The following CFAP96 variants were observed in gnomAD, a reference collection of about 807,000 sequenced individuals.
The protein encoded by CFAP96 is cilia and flagella associated protein 96.
the CFAP96 span, among the ~76,000 whole-genome samples, chr4:185,443,342 A>ATATATTTTTTTT: frequency 0.011 from 302 of 26,692 alleles, 18 homozygotes; most frequent in East Asian, 0.031. Context: ...ATATATATAT[A>ATATATTTTTTTT]TTTTTTTTTT....
At chr4:185,425,819 A>G in the CFAP96 span, 4 of 1,592,230 alleles carry the variant, frequency 2.5e-6, no homozygotes, top group African/African-American at 1.3e-5. Context: ...GCGGCTGCCA[A>G]AGTCCGGGGA....
chr4:185,449,348 C>G, the CFAP96 span, among the ~76,000 whole-genome samples: 3 of 152,090 alleles, frequency 2.0e-5, no homozygotes, highest in Non-Finnish European at 2.9e-5. Context: ...TGGCAAAACT[C>G]TGTCTCTACA....
At chr4:185,415,559 C>T in the CFAP96 span, 2 of 810,762 alleles carry the variant, frequency 2.5e-6, no homozygotes, top group Admixed American at 3.3e-5. Context: ...ACCCTACTTC[C>T]TCCAAATAAC....
At chr4:185,434,418 A>C in the CFAP96 span, among the ~76,000 whole-genome samples, 1 of 152,048 alleles carries the variant, frequency 6.6e-6, no homozygotes, top group Non-Finnish European at 1.5e-5. Context: ...TTTTCATGGA[A>C]TATGTGAAAT....
At chr4:185,436,063 A>G in the CFAP96 span, 6 of 1,546,676 alleles carry the variant, frequency 3.9e-6, no homozygotes, top group African/African-American at 8.2e-5. Context: ...TTAGGAAGCT[A>G]CTATGGAACA....
the CFAP96 span, among the ~76,000 whole-genome samples, chr4:185,441,653 A>G: frequency 6.6e-6 from 1 of 151,458 alleles, no homozygotes; most frequent in East Asian, 1.9e-4. Flanking sequence ...TAAAAATTTA[A>G]TTTCTTTTAA....
the CFAP96 span, chr4:185,418,323 T>C: frequency 1.4e-6 from 1 of 733,104 alleles, no homozygotes; most frequent in Non-Finnish European, 2.1e-6. Context: ...TTTAATCTTT[T>C]TGGACATCAA....
the CFAP96 span, among the ~76,000 whole-genome samples, chr4:185,437,701 G>C: frequency 6.6e-6 from 1 of 152,128 alleles, no homozygotes; most frequent in African/African-American, 2.4e-5. Flanking sequence ...ATACAGTGGA[G>C]TTTTATAGTG....
chr4:185,447,432 G>A, the CFAP96 span, among the ~76,000 whole-genome samples: 5 of 151,884 alleles, frequency 3.3e-5, no homozygotes, highest in South Asian at 4.2e-4. Flanking sequence ...CACCCACCTT[G>A]GCCTCCCAAA....
the CFAP96 span, chr4:185,426,219 A>AT: frequency 8.1e-5 from 26 of 322,232 alleles, no homozygotes; most frequent in African/African-American, 5.4e-4. Flanking sequence ...GGGGCAACAC[A>AT]TCACACAATA....
the CFAP96 span, among the ~76,000 whole-genome samples, chr4:185,412,413 G>A: frequency 6.6e-6 from 1 of 151,988 alleles, no homozygotes; most frequent in East Asian, 1.9e-4. Flanking sequence ...ACTCATCTAG[G>A]GTACGTACTG....
At chr4:185,417,779 C>T in the CFAP96 span, among the ~76,000 whole-genome samples, 1 of 152,152 alleles carries the variant, frequency 6.6e-6, no homozygotes. Context: ...CGCGGTGGCT[C>T]ACACCTGTAA....
chr4:185,415,121 T>C, the CFAP96 span: 2 of 1,494,006 alleles, frequency 1.3e-6, no homozygotes. Context: ...ATAGTCATTA[T>C]TGTTTTTTCT....
the CFAP96 span, among the ~76,000 whole-genome samples, chr4:185,419,497 C>G: frequency 6.6e-6 from 1 of 152,182 alleles, no homozygotes; most frequent in Admixed American, 6.5e-5. Flanking sequence ...ACACAATATC[C>G]AAGTTTAAAT....
the CFAP96 span, among the ~76,000 whole-genome samples, chr4:185,416,623 G>A: frequency 6.6e-6 from 1 of 152,180 alleles, no homozygotes; most frequent in Non-Finnish European, 1.5e-5. Flanking sequence ...TGTGTGGATA[G>A]TATAAAAGTA....
chr4:185,422,506 A>G, the CFAP96 span: 3 of 1,611,584 alleles, frequency 1.9e-6, no homozygotes, highest in East Asian at 4.5e-5. Flanking sequence ...GCTAGCTGAA[A>G]AGCCAAATCA....
chr4:185,443,342 A>T, the CFAP96 span, among the ~76,000 whole-genome samples: 3,194 of 27,316 alleles, frequency 0.12, 264 homozygotes, highest in East Asian at 0.48. Flanking sequence ...ATATATATAT[A>T]TTTTTTTTTT....
the CFAP96 span, chr4:185,440,517 AT>A: frequency 6.9e-7 from 1 of 1,454,774 alleles, no homozygotes; most frequent in Non-Finnish European, 9.1e-7. Flanking sequence ...GTGCTATGTA[AT>A]TTCAAACTCT....
At chr4:185,447,101 T>C in the CFAP96 span, among the ~76,000 whole-genome samples, 1 of 152,248 alleles carries the variant, frequency 6.6e-6, no homozygotes, top group Non-Finnish European at 1.5e-5. Context: ...ACCTGTCTTT[T>C]ATGTGTTATA....
Sources: gnomAD v4.1 joint callset for allele counts (sites outside exome capture counted in the v4.1 genomes callset) on GRCh38, gnomAD v4.1.1 for gene constraint, MANE v1.5 for transcripts, NCBI Gene and HGNC (gene_info 2026-07-23, HGNC 2026-07-21) for gene names.